The following TRANK1 variants were observed in gnomAD, a reference collection of about 807,000 sequenced individuals.
The protein encoded by TRANK1 is tetratricopeptide repeat and ankyrin repeat containing 1.
A neutral mutation model predicts 266.0 loss-of-function variants in TRANK1; 198 were observed. The observed-to-expected ratio is 0.74, with a 90% CI of 0.66 to 0.84. The LOEUF (loss-of-function observed/expected upper bound fraction) is 0.84. Among genes scored for constraint, TRANK1 ranks in the 40% least tolerant of loss-of-function variants. TRANK1 has a pLI of 0.00. For synonymous variants in TRANK1, 1,396 were observed against 1,384.1 expected, an observed-to-expected ratio of 1.01 and a Z score of -0.19; for missense variants, 3,326 against 3,634.6, an observed-to-expected ratio of 0.92 and a Z score of 2.18.
At chr3:36,850,667 G>T in intron 15 of TRANK1, 1 of 872,260 alleles carries the variant, frequency 1.1e-6, no homozygotes, top group Non-Finnish European at 1.4e-6. Context: ...TAACCTCAGA[G>T]GGTTGGTGGA....
rs760127591 is a variant in TRANK1, at chr3:36,855,449, T to C, written c.4273A>G (p.Arg1425Gly). The C allele has an allele frequency of 2.7e-5, 44 of 1,613,916 alleles. No homozygotes were observed. Among genetic ancestry groups the C allele is most frequent in the Non-Finnish European group, 3.7e-5 (44 of 1,179,906 alleles). The change falls in exon 13 of 24, where the codon AGG (arginine) becomes GGG (glycine). Residue 1425 changes from arginine to glycine, a missense_variant. Coordinates refer to ENST00000645898, the MANE Select transcript of TRANK1 (RefSeq NM_001329998.2). ...TCGTGGATGGACCATGGGAGCACCC[T>C]GAGCTTCGACAGCCTCCGGGATATG... ...YNISRRLSKL[R>G]VLPWSIHELY...
chr3:36,925,429 CTGAGA>C (rs1248177657), intron 1 of TRANK1, among the ~76,000 whole-genome samples: 1 of 151,984 alleles, frequency 6.6e-6, no homozygotes, highest in Non-Finnish European at 1.5e-5. Context: ...GTTGCTGGTG[CTGAGA>C]TAAGACTCGT....
chr3:36,869,151 C>T (rs1269172069), intron 9 of TRANK1, among the ~76,000 whole-genome samples: 1 of 152,208 alleles, frequency 6.6e-6, no homozygotes, highest in Non-Finnish European at 1.5e-5. Flanking sequence ...GCCCTGGCAG[C>T]TAGTGAGAAA....
At chr3:36,849,163 A>G (rs572876242) in intron 15 of TRANK1, among the ~76,000 whole-genome samples, 1 of 152,102 alleles carries the variant, frequency 6.6e-6, no homozygotes, top group Non-Finnish European at 1.5e-5. Context: ...TGAGGGGCCT[A>G]TTCTCTAGGT....
intron 8 of TRANK1, among the ~76,000 whole-genome samples, chr3:36,889,080 GAGA>G (rs1294081040): frequency 6.6e-6 from 1 of 152,140 alleles, no homozygotes; most frequent in African/African-American, 2.4e-5. Flanking sequence ...CTCTTGCCAT[GAGA>G]AGATGACAGC....
chr3:36,834,919 T>C lies in TRANK1; in HGVS notation c.5518-12A>G. On this transcript the variant is annotated splice_polypyrimidine_tract_variant and intron_variant, in intron 20 of 23. Transcript: ENST00000645898. ...GCAGCATCTCTTATCTAGGATGGAG[T>C]AAATTTTACTTTTATTTAGAGTACT... 2 of 1,591,548 alleles carry C rather than the reference T, an allele frequency of 1.3e-6. No individual in the cohort carries two copies. The highest frequency in any genetic ancestry group is 1.7e-6 in the Non-Finnish European group (2 of 1,171,712).
intron 3 of TRANK1, 122 bp downstream of exon 3, chr3:36,903,027 A>G (rs2125624088): frequency 7.8e-7 from 1 of 1,274,204 alleles, no homozygotes; most frequent in South Asian, 1.6e-5. Flanking sequence ...AAAAGGAAGG[A>G]GGCAGCAGCT....
intron 2 of TRANK1, among the ~76,000 whole-genome samples, chr3:36,906,926 T>G (rs4678914): frequency 0.63 from 95,566 of 152,038 alleles, 30,285 homozygotes; most frequent in Admixed American, 0.67. Flanking sequence ...AATACAATAA[T>G]TAAGACATAA....
intron 1 of TRANK1, among the ~76,000 whole-genome samples, chr3:36,944,328 G>A (rs1333490310): frequency 6.6e-6 from 1 of 152,134 alleles, no homozygotes; most frequent in East Asian, 1.9e-4. Flanking sequence ...CAAGTTCCCC[G>A]CAAATTCCGC....
chr3:36,858,078 C>A, intron 12 of TRANK1, 29 bp from the exon 13 acceptor site: 1 of 1,472,862 alleles, frequency 6.8e-7, no homozygotes, highest in Non-Finnish European at 9.0e-7. Context: ...ACCCTGTGAG[C>A]ACTGAGCCAC....
chr3:36,864,773 C>G (rs190316925), intron 9 of TRANK1, among the ~76,000 whole-genome samples: 30 of 152,172 alleles, frequency 2.0e-4, no homozygotes, highest in Middle Eastern at 3.4e-3. Context: ...AGGCTGTGGC[C>G]TTCATCATGT....
intron 8 of TRANK1, among the ~76,000 whole-genome samples, chr3:36,888,662 C>G (rs919814821): frequency 6.6e-6 from 1 of 152,158 alleles, no homozygotes; most frequent in Non-Finnish European, 1.5e-5. Context: ...CCCACCAGAC[C>G]AGAAGTCCCC....
At chr3:36,886,570 G>A (rs927253145) in intron 8 of TRANK1, among the ~76,000 whole-genome samples, 7 of 152,074 alleles carry the variant, frequency 4.6e-5, no homozygotes, top group African/African-American at 1.7e-4. Context: ...GAGGTGTGGT[G>A]AAAAGAGTGA....
In TRANK1 at chr3:36,832,191, C is replaced by G; in HGVS notation, c.7392G>C (p.Gly2464=). 1 of 1,613,990 alleles carries G rather than the reference C, an allele frequency of 6.2e-7. No homozygotes were observed. The highest frequency in any genetic ancestry group is 8.5e-7 in the Non-Finnish European group (1 of 1,179,894). The change falls in exon 22 of 24, where the codon GGG becomes GGC. Residue 2464 remains glycine, a synonymous_variant. Coordinates refer to ENST00000645898, the MANE Select transcript of TRANK1 (RefSeq NM_001329998.2). ...ALLEFQFIHC[G]VVLARLWKNV... ...TCTTCCAGAGGCGGGCCAGCACCAC[C>G]CCACAGTGGATGAACTGGAACTCCA...
intron 8 of TRANK1, among the ~76,000 whole-genome samples, 171 bp downstream of exon 8, chr3:36,889,658 C>T (rs1031267359): frequency 6.6e-6 from 1 of 152,202 alleles, no homozygotes; most frequent in African/African-American, 2.4e-5. Flanking sequence ...CTTCTTTCTG[C>T]ATTACAGCTT....
intron 4 of TRANK1, among the ~76,000 whole-genome samples, chr3:36,896,573 A>T (rs1211068094): frequency 6.6e-6 from 1 of 152,236 alleles, no homozygotes; most frequent in African/African-American, 2.4e-5. Context: ...AAGTCCTGTT[A>T]ACTGCCCCCT....
intron 7 of TRANK1, among the ~76,000 whole-genome samples, 151 bp from the exon 8 acceptor site, chr3:36,890,111 C>T (rs1364540170): frequency 6.6e-6 from 1 of 152,174 alleles, no homozygotes; most frequent in Non-Finnish European, 1.5e-5. Flanking sequence ...ATGAGGAATC[C>T]AACATACGTT....
intron 1 of TRANK1, among the ~76,000 whole-genome samples, chr3:36,944,499 C>T (rs542765179): frequency 6.6e-6 from 1 of 152,282 alleles, no homozygotes; most frequent in East Asian, 1.9e-4. Flanking sequence ...GCTGCGGCTT[C>T]GATGCCGGGG....
chr3:36,859,627 G>T (rs2079107428), intron 11 of TRANK1, among the ~76,000 whole-genome samples: 1 of 152,084 alleles, frequency 6.6e-6, no homozygotes. Context: ...CTGCATCAAA[G>T]TTCCCCAACC....
Sources: allele counts gnomAD v4.1 joint callset (sites outside exome capture counted in the v4.1 genomes callset), GRCh38; gene constraint gnomAD v4.1.1; transcripts MANE v1.5; gene names NCBI Gene and HGNC (gene_info 2026-07-23, HGNC 2026-07-21).